The following NOTCH3 variants were observed in gnomAD, a reference collection of about 807,000 sequenced individuals.
NOTCH3 encodes the protein notch receptor 3, also known as neurogenic locus notch homolog protein 3.
A neutral mutation model predicts 213.3 loss-of-function variants in NOTCH3; 86 were observed. The observed-to-expected ratio is 0.40, with a 90% confidence interval of 0.34 to 0.48. The LOEUF is 0.48. Among genes scored for constraint, NOTCH3 ranks in the 20% least tolerant of loss-of-function variants. The pLI, the probability that NOTCH3 is intolerant of heterozygous loss-of-function variation, is 0.57. For synonymous variants in NOTCH3, 1,354 were observed against 1,355.9 expected (o/e 1.00, Z 0.03); for missense variants, 2,783 against 3,272.6 (o/e 0.85, Z 3.65).
At chr19:15,194,577 T>C (rs1049231062) in intron 2 of NOTCH3, among the ~76,000 whole-genome samples, 3 of 152,162 alleles carry the variant, frequency 2.0e-5, no homozygotes. Context: ...GGAATTCTAT[T>C]TTCACAGACA....
At position 15,181,602 on chromosome 19, in the gene NOTCH3, T is replaced by A; in HGVS notation, c.2766A>T (p.Glu922Asp). ...TGGGGCTGCAGTCGGGCAGGTCCTG[T>A]TCGCAGTGGAAGCCTCCGTAGCCTG... is the stretch of plus-strand genomic sequence containing the variant. The part of the protein sequence containing the change: ...CPPGYGGFHC[E>D]QDLPDCSPSS... The change falls in exon 17 of 33, where the codon GAA becomes GAT. Residue 922 changes from glutamate (E) to aspartate (D), a missense_variant. Glu to Asp is a conservative substitution (Grantham distance 45). Transcript: ENST00000263388. The A allele has an allele frequency of 3.2e-6, 5 of 1,550,554 alleles. No individual in the cohort carries two copies. Among genetic ancestry groups the A allele is most frequent in the Non-Finnish European group, 4.4e-6 (5 of 1,146,754 alleles).
chr19:15,174,662 C>T (rs2046773067), intron 24 of NOTCH3, among the ~76,000 whole-genome samples: 1 of 152,088 alleles, frequency 6.6e-6, no homozygotes, highest in Admixed American at 6.6e-5. Flanking sequence ...CAGCCTCCAC[C>T]TCCCCGGTTC....
intron 2 of NOTCH3, among the ~76,000 whole-genome samples, chr19:15,193,787 C>A (rs4808240): frequency 0.67 from 40,796 of 61,136 alleles, 12,255 homozygotes; most frequent in African/African-American, 0.74. Flanking sequence ...AAACAAAAAA[C>A]AAAAAAAACA....
rs2046876955 is a variant in NOTCH3 at position 15,185,761 on chromosome 19, C to A, written c.1952-82G>T. 1 of 1,335,004 alleles carries A rather than the reference C, an allele frequency of 7.5e-7. No homozygotes were observed. 82.7% of individuals were successfully genotyped at this position (1,335,004 alleles called of 1,614,324 possible). A position where few individuals can be genotyped will look rare whatever the true frequency, so the allele number is the denominator to read the frequency against. ...AGGGACGACGTGACCCCACTTAGCA[C>A]ACCCACACCCCCGAGCAATGACCTC... On this transcript the variant is annotated intron_variant, in intron 12 of 32. Coordinates refer to ENST00000263388, the MANE Select transcript of NOTCH3 (RefSeq NM_000435.3). This position sits in a 1 kb window ranked among gnomAD's most constrained non-coding sequence, Gnocchi z 4.2.
intron 2 of NOTCH3, among the ~76,000 whole-genome samples, chr19:15,195,710 G>C (rs1006000144): frequency 2.6e-5 from 4 of 151,518 alleles, no homozygotes; most frequent in Non-Finnish European, 4.4e-5. Flanking sequence ...CTGCGGCCCC[G>C]ACCGCGCGTC....
intron 28 of NOTCH3, among the ~76,000 whole-genome samples, chr19:15,169,230 C>G (rs1031657271): frequency 7.1e-5 from 10 of 139,988 alleles, no homozygotes; most frequent in African/African-American, 2.7e-4. Context: ...CTCTCTCTCT[C>G]CCCTCTGTGT....
chr19:15,198,138 A>T (rs996691610), intron 1 of NOTCH3, among the ~76,000 whole-genome samples: 10 of 152,154 alleles, frequency 6.6e-5, no homozygotes, highest in African/African-American at 2.2e-4. Context: ...CGTTGCTGGA[A>T]TAGGGTGTGT....
In NOTCH3 at chr19:15,191,946, T is replaced by G; in HGVS notation, c.679+14A>C. On this transcript the variant is annotated intron_variant, in intron 4 of 32. Transcript: ENST00000263388. ...CGCCCACCCCTCTGACTCTCCTGAG[T>G]AGGGCTCACTCACCAGGAAGACAGG... is the stretch of plus-strand genomic sequence containing the variant. 1 of 1,613,442 alleles carries G rather than the reference T, an allele frequency of 6.2e-7. No individual in the cohort carries two copies. The highest frequency in any genetic ancestry group is 8.5e-7 in the Non-Finnish European group (1 of 1,180,004).
intron 2 of NOTCH3, among the ~76,000 whole-genome samples, chr19:15,196,923 C>A (rs2046974044): frequency 6.6e-6 from 1 of 152,194 alleles, no homozygotes; most frequent in African/African-American, 2.4e-5. Flanking sequence ...CTTGTGATAT[C>A]TAACAACTAA....
rs183500505 is a variant in NOTCH3 at position 15,191,464 on chromosome 19, G to A, written c.996C>T (p.Arg332=). 3.2e-5 allele frequency: 51 copies of A among 1,613,492 alleles called. No individual in the cohort carries two copies. The African/African-American group carries it at 4.8e-4, about 15-fold the overall frequency. ...VCFHGATCHD[R]VASFYCACPM... Reference sequence around the variant, plus strand: ...GGCAGGCACAGTAGAAAGAAGCCACGCGGTCATGGCAGGTGGCCCCATGGA... The same window carrying A: ...GGCAGGCACAGTAGAAAGAAGCCACACGGTCATGGCAGGTGGCCCCATGGA... Residue 332 remains arginine (R), a synonymous_variant, in exon 6 of 33, where the codon CGC becomes CGT. Transcript: ENST00000263388.
Position 15,189,146 on chromosome 19 carries a change from C to T in NOTCH3, c.1221G>A (p.Arg407=). Reference sequence around the variant, plus strand: ...GGAAGGAGCCCTGCGTGTTCACGCACCTGCCCAAGTGCTCGCAGGGGTTGG... The same window carrying T: ...GGAAGGAGCCCTGCGTGTTCACGCATCTGCCCAAGTGCTCGCAGGGGTTGG... ...IGANPCEHLG[R]CVNTQGSFLC... Residue 407 remains arginine (R), a synonymous_variant, in exon 8 of 33, where the codon AGG becomes AGA. Coordinates refer to ENST00000263388, the MANE Select transcript of NOTCH3 (RefSeq NM_000435.3). The T allele has an allele frequency of 6.2e-7, 1 of 1,613,382 alleles. No individual in the cohort carries two copies. The highest frequency in any genetic ancestry group is 1.7e-5 in the Admixed American group (1 of 60,032).
Position 15,184,506 on chromosome 19 carries a change from AGGGACCT to A in NOTCH3, c.2411-63_2411-57del, listed in dbSNP as rs2046865707. 5.1e-6 allele frequency: 8 copies of A among 1,564,360 alleles called. No homozygotes were observed. The African/African-American group carries it at 1.1e-4, about 21-fold the overall frequency. ...GTTACAGGGTACAGAGCAGGGTCTC[AGGGACCT>A]GGGGCTCAGGAAGAACCTGCAGGCC... On this transcript the variant is annotated intron_variant, in intron 15 of 32. Coordinates refer to ENST00000263388, the MANE Select transcript of NOTCH3 (RefSeq NM_000435.3).
At chr19:15,169,957 C>A (rs1325047132) in intron 28 of NOTCH3, 129 bp downstream of exon 28, 3 of 651,380 alleles carry the variant, frequency 4.6e-6, no homozygotes, top group South Asian at 1.7e-5. Context: ...TGGGACTATT[C>A]TCTGGAGCTA....
chr19:15,193,345 C>A (rs1287548009), intron 2 of NOTCH3, among the ~76,000 whole-genome samples: 2 of 151,810 alleles, frequency 1.3e-5, no homozygotes, highest in African/African-American at 4.8e-5. Flanking sequence ...TCAAGCAATT[C>A]TTTGTCTCAG....
intron 6 of NOTCH3, among the ~76,000 whole-genome samples, 158 bp from the exon 7 acceptor site, chr19:15,189,586 T>C (rs914591101): frequency 1.3e-5 from 2 of 152,230 alleles, no homozygotes; most frequent in Non-Finnish European, 2.9e-5. Flanking sequence ...TAGCGCGATC[T>C]TGGCTCACTG....
chr19:15,183,548 C>A (rs561944405), intron 16 of NOTCH3, among the ~76,000 whole-genome samples: 1 of 152,050 alleles, frequency 6.6e-6, no homozygotes, highest in Non-Finnish European at 1.5e-5. Context: ...TACAGGCATG[C>A]GCCACCATGC....
rs1321709315 is a variant in NOTCH3, at chr19:15,165,855, C to A, written c.5599G>T (p.Ala1867Ser). Reference protein sequence around the residue: ...RLLDAGADTNAQDHSGRTPLH... With the variant: ...RLLDAGADTNSQDHSGRTPLH... ...GGAGTGCGGCCTGAGTGGTCCTGGGCATTGGTGTCTGCCCCAGCATCCAGC... is the reference window on the plus strand; with the variant it reads ...GGAGTGCGGCCTGAGTGGTCCTGGGAATTGGTGTCTGCCCCAGCATCCAGC... Residue 1867 changes from alanine (A) to serine (S), a missense_variant, in exon 30 of 33, where the codon GCC becomes TCC. By Grantham distance (99) the Ala-to-Ser change is moderately conservative. Coordinates refer to ENST00000263388, the MANE Select transcript of NOTCH3 (RefSeq NM_000435.3). This position sits in a 1 kb window ranked among gnomAD's most constrained non-coding sequence, Gnocchi z 4.7. The A allele has an allele frequency of 6.2e-7, 1 of 1,613,998 alleles. No homozygotes were observed. Among genetic ancestry groups the A allele is most frequent in the Non-Finnish European group, 8.5e-7 (1 of 1,180,022 alleles).
chr19:15,178,154 A>G, intron 23 of NOTCH3, 64 bp from the exon 24 acceptor site: 1 of 1,026,692 alleles, frequency 9.7e-7, no homozygotes, highest in Non-Finnish European at 1.4e-6. Flanking sequence ...GAAGGAGGAG[A>G]AGAAATGGAG....
In NOTCH3 at chr19:15,179,005, G is replaced by A. The variant is rs2145417246; in HGVS notation, c.3718+20C>T. On this transcript the variant is annotated intron_variant, in intron 22 of 32. Coordinates refer to ENST00000263388, the MANE Select transcript of NOTCH3 (RefSeq NM_000435.3). The stretch of plus-strand genomic sequence containing the variant: ...GAATGACAGGCGGGGTCCCAGGCCA[G>A]CCCCTTCGCCAACGCTTACCTGAGA... The A allele has an allele frequency of 6.2e-7, 1 of 1,614,190 alleles. No homozygotes were observed. Among genetic ancestry groups the A allele is most frequent in the South Asian group, 1.1e-5 (1 of 91,092 alleles).
Sources: gnomAD v4.1 joint callset for allele counts (sites outside exome capture counted in the v4.1 genomes callset) on GRCh38, gnomAD v4.1.1 for gene constraint, Gnocchi (gnomAD v3.1) non-coding constraint, MANE v1.5 for transcripts, NCBI Gene and HGNC (gene_info 2026-07-23, HGNC 2026-07-21) for gene names.